The following FBXO36 variants were observed in gnomAD, a reference collection of about 807,000 sequenced individuals.
FBXO36 encodes F-box only protein 36.
A neutral mutation model predicts 17.0 loss-of-function variants in FBXO36; 18 were observed. That is an observed-to-expected ratio of 1.06 (90% CI 0.73 to 1.57). The LOEUF (loss-of-function observed/expected upper bound fraction) is 1.57. Ranked by LOEUF, FBXO36 falls within the 40% of genes most tolerant of loss-of-function variation. The pLI, the probability that FBXO36 is intolerant of heterozygous loss-of-function variation, is 0.00. For synonymous variants in FBXO36, 83 were observed against 85.3 expected, an observed-to-expected ratio of 0.97 and a Z score of 0.15; for missense variants, 229 against 221.9, an observed-to-expected ratio of 1.03 and a Z score of -0.20.
chr2:229,936,623 C>T (rs1338295580), intron 1 of FBXO36, among the ~76,000 whole-genome samples: 2 of 152,132 alleles, frequency 1.3e-5, no homozygotes, highest in Admixed American at 1.3e-4. Context: ...AATCCCAACA[C>T]TTTGTGAGCC....
chr2:230,003,780 G>A (rs1438176678), intron 3 of FBXO36, among the ~76,000 whole-genome samples: 1 of 152,158 alleles, frequency 6.6e-6, no homozygotes, highest in African/African-American at 2.4e-5. Context: ...GTAATCGCCT[G>A]CCTTGGCTTC....
In FBXO36 at chr2:229,996,790, A is replaced by G. The variant is rs143439395; in HGVS notation, c.245A>G (p.Tyr82Cys). 1.4e-4 allele frequency: 219 copies of G among 1,613,104 alleles called. No individual in the cohort carries two copies. The highest frequency in any genetic ancestry group is 3.0e-4 in the Admixed American group (18 of 59,950). Residue 82 changes from tyrosine to cysteine, a missense_variant, in exon 3 of 4, where the codon TAT (tyrosine) becomes TGT (cysteine). Coordinates refer to ENST00000283946, the MANE Select transcript of FBXO36 (RefSeq NM_174899.5). ...ATATTTGGTGCAAGAATATTAGACT[A>G]TGTCATCAATTTGTGCAAAGGTAAA... Reference protein sequence around the residue: ...ALIFGARILDYVINLCKGKFD... With the variant: ...ALIFGARILDCVINLCKGKFD...
At chr2:230,007,026 G>T (rs2077390398) in intron 3 of FBXO36, among the ~76,000 whole-genome samples, 1 of 152,354 alleles carries the variant, frequency 6.6e-6, no homozygotes, top group East Asian at 1.9e-4. Flanking sequence ...GGAGCCTGCA[G>T]CCTGGAGCTG....
rs752358341 is a variant in FBXO36 at position 229,996,942 on chromosome 2, A to G, written c.378+19A>G. ...TGCAAAGGTAACGGTCAATTATTTT[A>G]TGTCTATATAGAATTTTCCATGTGC... On this transcript the variant is annotated intron_variant, in intron 3 of 3. Coordinates refer to ENST00000283946, the MANE Select transcript of FBXO36 (RefSeq NM_174899.5). The G allele has an allele frequency of 6.3e-6, 10 of 1,597,992 alleles. No homozygotes were observed. In the South Asian group the frequency reaches 1.1e-4, roughly 18 times the overall value.
At chr2:229,934,953 A>T (rs1238739142) in intron 1 of FBXO36, among the ~76,000 whole-genome samples, 2 of 152,210 alleles carry the variant, frequency 1.3e-5, no homozygotes, top group African/African-American at 4.8e-5. Flanking sequence ...TTGGTTTTAC[A>T]AATAAATGTG....
At chr2:229,991,544 G>A (rs1353147087) in intron 2 of FBXO36, among the ~76,000 whole-genome samples, 1 of 152,188 alleles carries the variant, frequency 6.6e-6, no homozygotes, top group Admixed American at 6.5e-5. Flanking sequence ...CCCTGCACAA[G>A]CCAAGAGAAG....
At chr2:229,997,935 C>G (rs905104223) in intron 3 of FBXO36, among the ~76,000 whole-genome samples, 1 of 152,126 alleles carries the variant, frequency 6.6e-6, no homozygotes, top group African/African-American at 2.4e-5. Context: ...CCAATGCTAC[C>G]CCACAATCAC....
At chr2:229,991,720 A>C (rs571382226) in intron 2 of FBXO36, among the ~76,000 whole-genome samples, 54 of 152,230 alleles carry the variant, frequency 3.5e-4, no homozygotes, top group Non-Finnish European at 6.6e-4. Context: ...CTACTGCATT[A>C]GAGAAAACCA....
chr2:229,993,332 A>G (rs2077307276), intron 2 of FBXO36, among the ~76,000 whole-genome samples: 1 of 152,216 alleles, frequency 6.6e-6, no homozygotes, highest in Non-Finnish European at 1.5e-5. Context: ...GGCAGCCACT[A>G]TAAGACTTCA....
At chr2:229,925,330 AAT>A (rs1417656634) in intron 1 of FBXO36, among the ~76,000 whole-genome samples, 1 of 152,216 alleles carries the variant, frequency 6.6e-6, no homozygotes, top group Non-Finnish European at 1.5e-5. Context: ...ATGCCAAAAA[AAT>A]ATACTTTTCA....
At chr2:229,932,592 C>T (rs1186053508) in intron 1 of FBXO36, among the ~76,000 whole-genome samples, 2 of 151,848 alleles carry the variant, frequency 1.3e-5, no homozygotes, top group African/African-American at 4.8e-5. Context: ...GCAGGAGAAT[C>T]GCTTGAACCT....
At chr2:229,926,538 A>G (rs758477833) in intron 1 of FBXO36, among the ~76,000 whole-genome samples, 9 of 151,018 alleles carry the variant, frequency 6.0e-5, no homozygotes, top group Non-Finnish European at 1.2e-4. Flanking sequence ...GAGGTCAGGA[A>G]TTCAACACCA....
Position 229,983,582 on chromosome 2 carries a change from C to T in FBXO36, c.205+7233C>T, listed in dbSNP as rs377490978. ...TTGGCATCCCAAAGTGCTGGGATTA[C>T]AGGTATGAGCCACTCAGCCTGGCCC... On this transcript the variant is annotated intron_variant, in intron 2 of 3. Transcript: ENST00000283946. Among the ~76,000 whole-genome samples the T allele has an allele frequency of 7.9e-5, 12 of 152,264 alleles. No homozygotes were observed. In the South Asian group the frequency reaches 2.3e-3, roughly 29 times the overall value.
At chr2:229,941,068 G>A (rs1378279828) in intron 1 of FBXO36, among the ~76,000 whole-genome samples, 6 of 152,132 alleles carry the variant, frequency 3.9e-5, no homozygotes, top group Non-Finnish European at 8.8e-5. Flanking sequence ...CTGGACCAAA[G>A]ATAGACACCT....
chr2:229,963,339 C>T (rs536269782), intron 1 of FBXO36, among the ~76,000 whole-genome samples: 7 of 152,092 alleles, frequency 4.6e-5, no homozygotes, highest in African/African-American at 1.7e-4. Context: ...GCTGGGATTA[C>T]AGATGTGAGC....
intron 1 of FBXO36, among the ~76,000 whole-genome samples, chr2:229,960,595 A>G (rs1168716217): frequency 1.3e-5 from 2 of 152,068 alleles, no homozygotes; most frequent in African/African-American, 2.4e-5. Flanking sequence ...AGCTCAAGCA[A>G]TCCTCTTGAC....
chr2:229,999,845 TC>T (rs996059243), intron 3 of FBXO36, among the ~76,000 whole-genome samples: 2 of 152,064 alleles, frequency 1.3e-5, no homozygotes, highest in African/African-American at 4.8e-5. Context: ...TGTTTTCTGC[TC>T]CTCCTCTTCC....
At chr2:229,949,814 A>C (rs1012706149) in intron 1 of FBXO36, among the ~76,000 whole-genome samples, 2 of 152,050 alleles carry the variant, frequency 1.3e-5, no homozygotes, top group African/African-American at 2.4e-5. Flanking sequence ...AGTCCCAGCT[A>C]CTCGGGAGGC....
intron 3 of FBXO36, among the ~76,000 whole-genome samples, chr2:230,001,319 G>A (rs551202984): frequency 1.4e-3 from 206 of 150,402 alleles, no homozygotes; most frequent in African/African-American, 4.6e-3. Flanking sequence ...ACAGAGTCTC[G>A]CTCTGTTGCC....
Sources: gnomAD v4.1 joint callset for allele counts (sites outside exome capture counted in the v4.1 genomes callset) on GRCh38, gnomAD v4.1.1 for gene constraint, MANE v1.5 for transcripts, NCBI Gene and HGNC (gene_info 2026-07-23, HGNC 2026-07-21) for gene names.